Variants in SDK2 observed in about 807,000 individuals in gnomAD.
The protein encoded by SDK2 is protein sidekick-2.
In SDK2, 105 loss-of-function variants were observed where a neutral mutation model predicts 253.9. The observed-to-expected ratio is 0.41, with a 90% confidence interval of 0.35 to 0.49. The LOEUF is 0.49. Ranked by LOEUF, SDK2 falls within the 20% of genes least tolerant of loss-of-function variation. SDK2 has a pLI of 0.06. For missense variants in SDK2, 2,608 were observed against 3,003.0 expected (o/e 0.87, Z 3.07); for synonymous variants, 1,249 against 1,234.9 (o/e 1.01, Z -0.24).
At chr17:73,461,400 CG>C (rs2063561580) in intron 3 of SDK2, among the ~76,000 whole-genome samples, 1 of 152,082 alleles carries the variant, frequency 6.6e-6, no homozygotes, top group African/African-American at 2.4e-5. Flanking sequence ...TGACAACTGT[CG>C]AAAAGGAGGG....
chr17:73,552,529 G>A (rs918943841), intron 1 of SDK2, among the ~76,000 whole-genome samples: 1 of 152,164 alleles, frequency 6.6e-6, no homozygotes, highest in East Asian at 1.9e-4. Flanking sequence ...TGGTCGAGGC[G>A]CAGGTCTGAG....
Position 73,399,978 on chromosome 17 carries a change from A to C in SDK2, c.2972-689T>G, listed in dbSNP as rs140711055. On this transcript the variant is annotated intron_variant, in intron 21 of 44. Coordinates refer to ENST00000392650, the MANE Select transcript of SDK2 (RefSeq NM_001144952.2). ...GGTTGTTGTGAGGATTAAATGAGTC[A>C]ACGTGAGCAAAGCTCCCAGCACCAT... 1.8e-3 allele frequency among the ~76,000 whole-genome samples: 268 copies of C among 152,348 alleles called. 2 individuals are homozygous for C. The highest frequency in any genetic ancestry group is 6.2e-3 in the African/African-American group (259 of 41,584).
chr17:73,357,758 G>C (rs535715636), intron 40 of SDK2: 2 of 422,002 alleles, frequency 4.7e-6, no homozygotes, highest in African/African-American at 4.1e-5. Flanking sequence ...CAGTGGGGTC[G>C]TGTGGAGGAT....
Position 73,599,505 on chromosome 17 carries a change from A to C in SDK2, c.64+44520T>G, listed in dbSNP as rs371112704. ...AGCTGAGATAGCGGCACTGCACTCC[A>C]GCCTGGATGACAGTGAGGTTCCATC... On this transcript the variant is annotated intron_variant, in intron 1 of 44. Coordinates refer to ENST00000392650, the MANE Select transcript of SDK2 (RefSeq NM_001144952.2). 1.5e-4 allele frequency among the ~76,000 whole-genome samples: 23 copies of C among 151,856 alleles called. No homozygotes were observed. In the South Asian group the frequency reaches 4.8e-3, roughly 32 times the overall value.
At chr17:73,575,956 C>T (rs1032115992) in intron 1 of SDK2, among the ~76,000 whole-genome samples, 3 of 152,122 alleles carry the variant, frequency 2.0e-5, no homozygotes, top group Admixed American at 2.0e-4. Context: ...CGTCTGCAGC[C>T]CAATACATGC....
At position 73,385,838 on chromosome 17, in the gene SDK2, G is replaced by C. The variant is rs201608312; in HGVS notation, c.4569+9C>G. ...TCTTCACGGAGGTTTCCTGCCCGCT[G>C]GGCCATACCTGCCATCGGATTAGCA... On this transcript the variant is annotated intron_variant, in intron 32 of 44. Coordinates refer to ENST00000392650, the MANE Select transcript of SDK2 (RefSeq NM_001144952.2). 7 of 1,602,010 alleles carry C rather than the reference G, an allele frequency of 4.4e-6. No homozygotes were observed.
chr17:73,493,492 G>C (rs1304286587), intron 2 of SDK2, among the ~76,000 whole-genome samples: 1 of 152,208 alleles, frequency 6.6e-6, no homozygotes, highest in African/African-American at 2.4e-5. Context: ...TGAGGGTGTG[G>C]CTGTGTGTGC....
At chr17:73,344,341 G>GA (rs1411288723) in intron 44 of SDK2, among the ~76,000 whole-genome samples, 1 of 152,198 alleles carries the variant, frequency 6.6e-6, no homozygotes, top group Non-Finnish European at 1.5e-5. Flanking sequence ...CTGTGGTCAG[G>GA]AGGCTCAAGG....
intron 1 of SDK2, among the ~76,000 whole-genome samples, chr17:73,601,818 G>A (rs1280885281): frequency 2.0e-5 from 3 of 151,710 alleles, no homozygotes; most frequent in South Asian, 4.2e-4. Flanking sequence ...ATTTTGGCTC[G>A]TTGCAGCCTC....
chr17:73,387,514 G>C (rs564840096), intron 30 of SDK2, among the ~76,000 whole-genome samples: 23 of 152,292 alleles, frequency 1.5e-4, no homozygotes, highest in African/African-American at 5.3e-4. Context: ...ATTAAAGCTG[G>C]AGAGGAAGAT....
rs372997757 is a variant in SDK2 at position 73,456,620 on chromosome 17, GGTGTGTA to G, written c.332-574_332-568del. 3.2e-3 allele frequency among the ~76,000 whole-genome samples: 487 copies of G among 152,252 alleles called. 2 individuals are homozygous for G. Among genetic ancestry groups the G allele is most frequent in the African/African-American group, 0.011 (462 of 41,546 alleles). On this transcript the variant is annotated intron_variant, in intron 3 of 44. Transcript: ENST00000392650. ...GACAGCGTTTCTCTCCTGCGCCTTGGGTGTGTAGTGTGTAGTGTGTGAGTTTGTGTGT... is the reference window on the plus strand; with the variant it reads ...GACAGCGTTTCTCTCCTGCGCCTTGGGTGTGTAGTGTGTGAGTTTGTGTGT...
chr17:73,341,846 G>A (rs1365024505), intron 44 of SDK2, among the ~76,000 whole-genome samples: 1 of 152,194 alleles, frequency 6.6e-6, no homozygotes, highest in African/African-American at 2.4e-5. Flanking sequence ...ACGCTGACAT[G>A]CATAACTGTA....
intron 9 of SDK2, 87 bp from the exon 10 acceptor site, chr17:73,433,935 G>A: frequency 1.1e-6 from 1 of 883,988 alleles, no homozygotes; most frequent in Non-Finnish European, 1.7e-6. Flanking sequence ...GCCCACCGAG[G>A]GCCAGGCCCT....
chr17:73,380,813 T>C, intron 34 of SDK2, 81 bp downstream of exon 34: 1 of 1,259,006 alleles, frequency 7.9e-7, no homozygotes, highest in South Asian at 1.3e-5. Context: ...CAACCTGTGA[T>C]CAGGTCTCTC....
rs1470975582 is a variant in SDK2 at position 73,614,022 on chromosome 17, C to T, written c.64+30003G>A. Among the ~76,000 whole-genome samples the T allele has an allele frequency of 6.6e-5, 10 of 152,330 alleles. 1 individual carries two copies. Among genetic ancestry groups the T allele is most frequent in the South Asian group, 6.2e-4 (3 of 4,826 alleles). Reference sequence around the variant, plus strand: ...CACTGCTCCTCACCCCTTTGGAGTACGAGATCTGGACAACAGAGTCCAGTT... The same window carrying T: ...CACTGCTCCTCACCCCTTTGGAGTATGAGATCTGGACAACAGAGTCCAGTT... On this transcript the variant is annotated intron_variant, in intron 1 of 44. Coordinates refer to ENST00000392650, the MANE Select transcript of SDK2 (RefSeq NM_001144952.2).
intron 1 of SDK2, among the ~76,000 whole-genome samples, chr17:73,566,261 C>A (rs976629214): frequency 1.3e-5 from 2 of 151,968 alleles, no homozygotes; most frequent in African/African-American, 4.8e-5. Flanking sequence ...CAGGTGCCAA[C>A]ACTATGCTTC....
chr17:73,403,344 C>T (rs998101008), intron 18 of SDK2, among the ~76,000 whole-genome samples: 1 of 152,138 alleles, frequency 6.6e-6, no homozygotes, highest in African/African-American at 2.4e-5. Flanking sequence ...CAAGTAGAGG[C>T]GGGGCATCGG....
chr17:73,399,769 G>T (rs1004358197), intron 21 of SDK2, among the ~76,000 whole-genome samples: 1 of 152,136 alleles, frequency 6.6e-6, no homozygotes, highest in Non-Finnish European at 1.5e-5. Context: ...CTTATTTTCT[G>T]GCCAGGAATC....
At chr17:73,424,371 G>A (rs962014880) in intron 12 of SDK2, among the ~76,000 whole-genome samples, 7 of 152,160 alleles carry the variant, frequency 4.6e-5, no homozygotes, top group Non-Finnish European at 1.0e-4. Flanking sequence ...GGGTCAAAGC[G>A]TTGTTGCTTC....
Sources: allele counts gnomAD v4.1 joint callset (sites outside exome capture counted in the v4.1 genomes callset), GRCh38; gene constraint gnomAD v4.1.1; transcripts MANE v1.5; gene names NCBI Gene and HGNC (gene_info 2026-07-23, HGNC 2026-07-21).